UPF1: variants seen among roughly 807,000 people sequenced by gnomAD.
UPF1 encodes the protein regulator of nonsense transcripts 1.
A neutral mutation model predicts 129.2 loss-of-function variants in UPF1; 9 were observed. The ratio of observed to expected loss-of-function variants is 0.07; its 90% confidence interval spans 0.04 to 0.12. The LOEUF is 0.12. Ranked by LOEUF, UPF1 falls within the 10% of genes least tolerant of loss-of-function variation. UPF1 has a pLI of 1.00. For synonymous variants in UPF1, 649 were observed against 644.9 expected (o/e 1.01, Z -0.10); for missense variants, 788 against 1,525.3 (o/e 0.52, Z 8.05).
At chr19:18,864,070 C>T in intron 19 of UPF1, 100 bp from the exon 20 acceptor site, 1 of 1,048,698 alleles carries the variant, frequency 9.5e-7, no homozygotes, top group Non-Finnish European at 1.5e-6. Flanking sequence ...GTGTCAACAC[C>T]TCACAGCTGC....
chr19:18,832,198 C>A lies in UPF1; in HGVS notation c.-12C>A. ...GCGCGGAACCGGCCCGAGGGCCCTA[C>A]CCGGAGGCACCATGAGCGTGGAGGC... On this transcript the variant is annotated 5_prime_UTR_variant, in exon 1 of 24. Coordinates refer to ENST00000262803, the MANE Select transcript of UPF1 (RefSeq NM_002911.4). The surrounding 1 kb of genome is among the most constrained non-coding windows in gnomAD (Gnocchi z 5.6). 1 of 1,534,284 alleles carries A rather than the reference C, an allele frequency of 6.5e-7. No homozygotes were observed.
intron 19 of UPF1, 103 bp downstream of exon 19, chr19:18,863,715 G>A (rs1380849252): frequency 1.4e-6 from 2 of 1,439,116 alleles, no homozygotes; most frequent in South Asian, 2.7e-5. Flanking sequence ...GCTGAGGGAG[G>A]GCTCTCCTAG....
At position 18,832,408 on chromosome 19, in the gene UPF1, G is replaced by T; in HGVS notation, c.199G>T (p.Ala67Ser). Reference protein sequence around the residue: ...GGAGGPGGAGAGAAAGQLDAQ... With the variant: ...GGAGGPGGAGSGAAAGQLDAQ... ...CGCGGGAGGCCCGGGCGGCGCGGGC[G>T]CGGGCGCTGCGGCGGGACAGCTCGA... Residue 67 changes from alanine (A) to serine (S), a missense_variant, in exon 1 of 24, where the codon GCG (alanine) becomes TCG (serine). By Grantham distance (99) the Ala-to-Ser change is moderately conservative. Around this residue, in one of 6 missense-constraint regions of UPF1, gnomAD observed 112 missense variants for 128.2 expected, o/e 0.87. Transcript: ENST00000262803. This position sits in a 1 kb window ranked among gnomAD's most constrained non-coding sequence, Gnocchi z 5.6. The T allele has an allele frequency of 1.0e-6, 1 of 1,000,336 alleles. No homozygotes were observed. The highest frequency in any genetic ancestry group is 1.8e-5 in the African/African-American group (1 of 57,130). The allele number at this position is 1,000,336 out of a possible 1,614,324, so 62.0% of individuals were successfully genotyped here.
chr19:18,864,997 A>G (rs1016426873), intron 20 of UPF1, among the ~76,000 whole-genome samples: 9 of 152,196 alleles, frequency 5.9e-5, no homozygotes, highest in Admixed American at 4.6e-4. Flanking sequence ...GGCTTCCCAG[A>G]GTGCTGGGAT....
At chr19:18,835,444 C>G (rs1337213233) in intron 1 of UPF1, among the ~76,000 whole-genome samples, 1 of 151,884 alleles carries the variant, frequency 6.6e-6, no homozygotes, top group Non-Finnish European at 1.5e-5. Context: ...CAGGTTCAAG[C>G]GATTCTCCTG....
At chr19:18,861,925 G>A in intron 17 of UPF1, 85 bp from the exon 18 acceptor site, 3 of 1,534,038 alleles carry the variant, frequency 2.0e-6, no homozygotes, top group South Asian at 2.5e-5. Flanking sequence ...GGGATTTGAG[G>A]GTGGGTCTTG....
intron 1 of UPF1, among the ~76,000 whole-genome samples, chr19:18,835,230 G>A (rs1056631568): frequency 9.9e-5 from 15 of 152,180 alleles, no homozygotes; most frequent in South Asian, 2.1e-4. Flanking sequence ...TTCACTCTGC[G>A]TGATGTGTGA....
rs894246657 is a variant in UPF1 at position 18,854,866 on chromosome 19, A to G, written c.1266-13A>G. 6.2e-7 allele frequency: 1 copy of G among 1,613,740 alleles called. No individual in the cohort carries two copies. ...CAGCTGTGCGTGTCGCCAACCCCAA[A>G]CCCTCCTCACAGGATGCAGAGCGCA... On this transcript the variant is annotated splice_polypyrimidine_tract_variant and intron_variant, in intron 9 of 23. Coordinates refer to ENST00000262803, the MANE Select transcript of UPF1 (RefSeq NM_002911.4).
rs1429398640 is a variant in UPF1 at position 18,867,496 on chromosome 19, G to A, written c.*979G>A. 1 of 152,438 alleles carries A rather than the reference G, an allele frequency of 6.6e-6. No individual in the cohort carries two copies. Among genetic ancestry groups the A allele is most frequent in the Non-Finnish European group, 1.5e-5 (1 of 68,228 alleles). 9.4% of individuals were successfully genotyped at this position (152,438 alleles called of 1,614,324 possible). A position where few individuals can be genotyped will look rare whatever the true frequency, so the allele number is the denominator to read the frequency against. On this transcript the variant is annotated 3_prime_UTR_variant, in exon 24 of 24. Transcript: ENST00000262803. The stretch of plus-strand genomic sequence containing the variant: ...CCCGGATTGACGGCTTTTTCCCGGG[G>A]GCCTTTGGAAGATTTGGTGGAAGGA...
intron 1 of UPF1, among the ~76,000 whole-genome samples, chr19:18,839,597 T>G (rs1331449941): frequency 6.6e-6 from 1 of 151,604 alleles, no homozygotes; most frequent in Non-Finnish European, 1.5e-5. Context: ...CCTGGGGAGG[T>G]CAGAAACATG....
At position 18,851,066 on chromosome 19, in the gene UPF1, G is replaced by A. The variant is rs1326011842; in HGVS notation, c.810+198G>A. ...TCCATCCAGGCAGCCTTACCTGACC[G>A]AGAAGATCCTGGCCTTGGGGAAAGG... On this transcript the variant is annotated intron_variant, in intron 5 of 23. Transcript: ENST00000262803. The surrounding 1 kb of genome is among the most constrained non-coding windows in gnomAD (Gnocchi z 4.2). 7.3e-6 allele frequency: 4 copies of A among 547,522 alleles called. No homozygotes were observed. Among genetic ancestry groups the A allele is most frequent in the Non-Finnish European group, 1.2e-5 (4 of 336,524 alleles). 33.9% of individuals were successfully genotyped at this position (547,522 alleles called of 1,614,324 possible).
rs1216181994 is a variant in UPF1, at chr19:18,847,892, A to G, written c.461+59A>G. 4 of 1,554,348 alleles carry G rather than the reference A, an allele frequency of 2.6e-6. No individual in the cohort carries two copies. The African/African-American group carries it at 5.4e-5, about 21-fold the overall frequency. On this transcript the variant is annotated intron_variant, in intron 3 of 23. Coordinates refer to ENST00000262803, the MANE Select transcript of UPF1 (RefSeq NM_002911.4). ...AGTGCTGTGCTCAGATTTGTGTGTA[A>G]ATTATGGAAATGTTGAAGCAAAGCG...
Position 18,850,406 on chromosome 19 carries a change from G to T in UPF1, c.629+164G>T, listed in dbSNP as rs969895804. On this transcript the variant is annotated intron_variant, in intron 4 of 23. Transcript: ENST00000262803. This position sits in a 1 kb window ranked among gnomAD's most constrained non-coding sequence, Gnocchi z 7.1. ...GGCATGAGAGCGTTTAGGCGCTGAG[G>T]CTTGTTAAGGAGTCGGCAGTGCCGT... is the stretch of plus-strand genomic sequence containing the variant. 6.6e-6 allele frequency among the ~76,000 whole-genome samples: 1 copy of T among 152,256 alleles called. No homozygotes were observed. Among genetic ancestry groups the T allele is most frequent in the Non-Finnish European group, 1.5e-5 (1 of 68,048 alleles).
intron 19 of UPF1, 61 bp from the exon 20 acceptor site, chr19:18,864,109 C>T (rs2055812302): frequency 4.7e-6 from 7 of 1,495,688 alleles, no homozygotes; most frequent in Non-Finnish European, 6.5e-6. Flanking sequence ...GCCACCGGGC[C>T]CGTGGGAAGT....
intron 23 of UPF1, 56 bp downstream of exon 23, chr19:18,866,222 A>G: frequency 6.7e-7 from 1 of 1,503,492 alleles, no homozygotes; most frequent in Non-Finnish European, 8.9e-7. Flanking sequence ...GAAGGATGGG[A>G]GGGGGCTCTC....
Position 18,868,184 on chromosome 19 carries a change from A to AT in UPF1, c.*1670dup. 4.2e-6 allele frequency: 1 copy of AT among 240,084 alleles called. No individual in the cohort carries two copies. Among genetic ancestry groups the AT allele is most frequent in the Non-Finnish European group, 8.4e-6 (1 of 119,670 alleles). The allele number at this position is 240,084 out of a possible 1,614,324, so 14.9% of individuals were successfully genotyped here. A position where few individuals can be genotyped will look rare whatever the true frequency, so the allele number is the denominator to read the frequency against. ...CAATGTAACTTTTGATTTTCGGTCA[A>AT]TTTAAGTTCTTTTGTCACCAAATAT... On this transcript the variant is annotated 3_prime_UTR_variant, in exon 24 of 24. Coordinates refer to ENST00000262803, the MANE Select transcript of UPF1 (RefSeq NM_002911.4).
At chr19:18,839,251 C>G (rs57870078) in intron 1 of UPF1, among the ~76,000 whole-genome samples, 15,796 of 152,076 alleles carry the variant, frequency 0.1, 901 homozygotes, top group East Asian at 0.24. Flanking sequence ...ACCACCATGC[C>G]CAACTAATTT....
rs150871416 is a variant in UPF1, at chr19:18,850,326, C to T, written c.629+84C>T. The T allele has an allele frequency of 2.7e-4, 405 of 1,492,092 alleles. No individual in the cohort carries two copies. In the East Asian group the frequency reaches 7.8e-3, roughly 29 times the overall value. 92.4% of individuals were successfully genotyped at this position (1,492,092 alleles called of 1,614,324 possible). A position where few individuals can be genotyped will look rare whatever the true frequency, so the allele number is the denominator to read the frequency against. On this transcript the variant is annotated intron_variant, in intron 4 of 23. Transcript: ENST00000262803. The surrounding 1 kb of genome is among the most constrained non-coding windows in gnomAD (Gnocchi z 7.1). ...AAGCCTTGGCCCAGCCCAGCCCAGC[C>T]GTGGCTCTAACTCCAGGGAGTTGTC... is the stretch of plus-strand genomic sequence containing the variant.
At chr19:18,836,770 T>G (rs74414295) in intron 1 of UPF1, among the ~76,000 whole-genome samples, 4 of 150,308 alleles carry the variant, frequency 2.7e-5, no homozygotes, top group Non-Finnish European at 5.9e-5. Context: ...TTTTTTTTTT[T>G]GGAGACGGAG....
Sources: allele counts gnomAD v4.1 joint callset (sites outside exome capture counted in the v4.1 genomes callset), GRCh38; gene constraint gnomAD v4.1.1; regional missense constraint gnomAD v4.1.1; non-coding constraint Gnocchi (gnomAD v3.1); transcripts MANE v1.5; gene names NCBI Gene and HGNC (gene_info 2026-07-23, HGNC 2026-07-21).